The following SLC44A2 variants were observed in gnomAD, a reference collection of about 807,000 sequenced individuals.
SLC44A2 encodes the protein choline transporter-like protein 2.
Under a neutral mutation model 90.8 loss-of-function variants are expected in SLC44A2, and 57 were observed. The ratio of observed to expected loss-of-function variants is 0.63; its 90% confidence interval spans 0.51 to 0.78. The LOEUF is 0.78. Ranked by LOEUF, SLC44A2 falls within the 30% of genes least tolerant of loss-of-function variation. The pLI, the probability that SLC44A2 is intolerant of heterozygous loss-of-function variation, is 0.00. For synonymous variants in SLC44A2, 355 were observed against 360.7 expected (o/e 0.98, Z 0.18); for missense variants, 794 against 919.7 (o/e 0.86, Z 1.77).
intron 1 of SLC44A2, among the ~76,000 whole-genome samples, chr19:10,619,516 G>GA (rs998888282): frequency 9.5e-5 from 14 of 147,068 alleles, no homozygotes; most frequent in African/African-American, 3.5e-4. Flanking sequence ...ATACAAAAAA[G>GA]AAAAAATATT....
chr19:10,643,404 C>A lies in SLC44A2; in HGVS notation c.*19C>A, dbSNP rs926462525. The A allele has an allele frequency of 1.3e-6, 2 of 1,599,140 alleles. No homozygotes were observed. The highest frequency in any genetic ancestry group is 1.3e-5 in the African/African-American group (1 of 74,656). On this transcript the variant is annotated 3_prime_UTR_variant, in exon 22 of 22. Coordinates refer to ENST00000335757, the MANE Select transcript of SLC44A2 (RefSeq NM_020428.4). ...GTCCTGAAGGCCCCGTGCTCCCCACCTCTCAAGGAGTCTCATGCCGCAGGG... is the reference window on the plus strand; with the variant it reads ...GTCCTGAAGGCCCCGTGCTCCCCACATCTCAAGGAGTCTCATGCCGCAGGG...
At chr19:10,627,530 G>A (rs746401771) in intron 2 of SLC44A2, among the ~76,000 whole-genome samples, 192 bp from the exon 3 acceptor site, 1 of 152,142 alleles carries the variant, frequency 6.6e-6, no homozygotes, top group Non-Finnish European at 1.5e-5. Flanking sequence ...GACGGAGTGA[G>A]ACTCTGTTGC....
At chr19:10,630,473 A>G (rs1024499782) in intron 4 of SLC44A2, among the ~76,000 whole-genome samples, 1 of 151,932 alleles carries the variant, frequency 6.6e-6, no homozygotes, top group Non-Finnish European at 1.5e-5. Flanking sequence ...TGTGGCCAAC[A>G]TGGCAAAACC....
chr19:10,637,397 C>G (rs3843750), intron 16 of SLC44A2: 357,511 of 500,278 alleles, frequency 0.71, 129,650 homozygotes, highest in African/African-American at 0.91. Context: ...AGGAAGGGCT[C>G]TGGGGCTGGG....
upstream of SLC44A2, among the ~76,000 whole-genome samples, chr19:10,621,714 G>A (rs1472744451): frequency 6.6e-6 from 1 of 152,056 alleles, no homozygotes; most frequent in Non-Finnish European, 1.5e-5. Flanking sequence ...CGCTTCCCAG[G>A]TTCAAGCGAT....
At chr19:10,626,441 C>T (rs1037821635) in intron 2 of SLC44A2, 140 bp downstream of exon 2, 1 of 686,874 alleles carries the variant, frequency 1.5e-6, no homozygotes, top group East Asian at 2.6e-5. Context: ...TGGAGTCTTG[C>T]TCTGTCACCA....
intron 1 of SLC44A2, among the ~76,000 whole-genome samples, chr19:10,610,040 A>G (rs923740366): frequency 2.0e-5 from 3 of 151,932 alleles, no homozygotes; most frequent in Non-Finnish European, 4.4e-5. Flanking sequence ...TCGTGACCTC[A>G]AATGATTCTC....
At chr19:10,642,020 C>A (rs995990122) in intron 20 of SLC44A2, among the ~76,000 whole-genome samples, 1 of 151,650 alleles carries the variant, frequency 6.6e-6, no homozygotes, top group African/African-American at 2.4e-5. Context: ...ATGAGCCAGG[C>A]GTGGTGGCAC....
intron 10 of SLC44A2, among the ~76,000 whole-genome samples, chr19:10,633,727 G>A (rs1229404504): frequency 6.6e-6 from 1 of 152,222 alleles, no homozygotes; most frequent in Non-Finnish European, 1.5e-5. Flanking sequence ...TAAGTGTTGG[G>A]ATTACAGGCG....
upstream of SLC44A2, among the ~76,000 whole-genome samples, chr19:10,622,958 G>A (rs911717814): frequency 4.6e-5 from 7 of 152,282 alleles, no homozygotes; most frequent in African/African-American, 1.2e-4. Context: ...ACGTGTGTTG[G>A]GGGGAGACAG....
At chr19:10,614,650 G>A (rs927130374) in intron 1 of SLC44A2, among the ~76,000 whole-genome samples, 2 of 152,022 alleles carry the variant, frequency 1.3e-5, no homozygotes, top group Admixed American at 6.6e-5. Flanking sequence ...TATATATATC[G>A]TATTCTTACA....
intron 10 of SLC44A2, among the ~76,000 whole-genome samples, chr19:10,633,452 G>GC (rs2067018935): frequency 6.6e-6 from 1 of 151,108 alleles, no homozygotes; most frequent in Non-Finnish European, 1.5e-5. Context: ...GAGCCACCGC[G>GC]CCCAGCCTTG....
chr19:10,627,775 A>G lies in SLC44A2; in HGVS notation c.140A>G (p.Tyr47Cys), dbSNP rs779992345. The G allele has an allele frequency of 4.3e-6, 7 of 1,613,944 alleles. No individual in the cohort carries two copies. In the African/African-American group the frequency reaches 5.3e-5, roughly 12 times the overall value. The change falls in exon 3 of 22, where the codon TAC (tyrosine) becomes TGC (cysteine). Residue 47 changes from tyrosine to cysteine, a missense_variant. Tyr to Cys is a radical substitution (Grantham distance 194). Around this residue, in one of 3 missense-constraint regions of SLC44A2, gnomAD observed 738 missense variants for 841.1 expected, o/e 0.88. Transcript: ENST00000335757. ...CVFLLLAIVG[Y>C]VAVGIIAWTH... The stretch of plus-strand genomic sequence containing the variant: ...TTCCTGCTCCTGGCCATTGTGGGCT[A>G]CGTGGCTGTAGGCATCATAGGTGAG...
intron 1 of SLC44A2, among the ~76,000 whole-genome samples, chr19:10,619,407 A>G (rs944488780): frequency 1.3e-5 from 2 of 149,338 alleles, no homozygotes; most frequent in Non-Finnish European, 3.0e-5. Flanking sequence ...CAGCCTGGGC[A>G]ATACAGCCAG....
rs1341911979 is a variant in SLC44A2 at position 10,625,624 on chromosome 19, G to T, written c.-10G>T. On this transcript the variant is annotated 5_prime_UTR_variant, in exon 1 of 22. Transcript: ENST00000335757. ...GCGCGGGCGGCCGCCGGGGCTGGTC[G>T]CCTGCAGGGATGGGGGACGAGCGGC... 2 of 1,246,362 alleles carry T rather than the reference G, an allele frequency of 1.6e-6. No individual in the cohort carries two copies. The highest frequency in any genetic ancestry group is 4.2e-5 in the Admixed American group (1 of 23,770). The allele number at this position is 1,246,362 out of a possible 1,614,324, so 77.2% of individuals were successfully genotyped here. A position where few individuals can be genotyped will look rare whatever the true frequency, so the allele number is the denominator to read the frequency against.
At position 10,632,106 on chromosome 19, in the gene SLC44A2, GTAT is replaced by G; in HGVS notation, c.777_779del (p.Ile259del). The G allele has an allele frequency of 6.2e-7, 1 of 1,614,110 alleles. No individual in the cohort carries two copies. The highest frequency in any genetic ancestry group is 8.5e-7 in the Non-Finnish European group (1 of 1,180,016). On this transcript the variant is annotated inframe_deletion, in exon 10 of 22. Coordinates refer to ENST00000335757, the MANE Select transcript of SLC44A2 (RefSeq NM_020428.4). ...ATCATCCTGCTTCGCTTCCTGGCTG[GTAT>G]TATGGTCTGGGTGATGATCATCATG...
intron 20 of SLC44A2, among the ~76,000 whole-genome samples, chr19:10,640,767 G>A (rs539132296): frequency 7.2e-5 from 11 of 152,150 alleles, no homozygotes; most frequent in Admixed American, 4.6e-4. Context: ...CTCAGGAGGG[G>A]TGCCCAGTGC....
chr19:10,615,506 G>A (rs1477519089), intron 1 of SLC44A2, among the ~76,000 whole-genome samples: 4 of 151,602 alleles, frequency 2.6e-5, no homozygotes, highest in Middle Eastern at 3.4e-3. Context: ...CCCGGGAGGC[G>A]GAAGTTGCCG....
chr19:10,638,560 T>C (rs1560708), intron 20 of SLC44A2, among the ~76,000 whole-genome samples: 102,953 of 151,988 alleles, frequency 0.68, 35,054 homozygotes, highest in Admixed American at 0.73. Context: ...TTCTCGAGCT[T>C]TTGCCTCCCG....
Sources: gnomAD v4.1 joint callset for allele counts (sites outside exome capture counted in the v4.1 genomes callset) on GRCh38, gnomAD v4.1.1 for gene constraint, gnomAD v4.1.1 regional missense constraint, MANE v1.5 for transcripts, NCBI Gene and HGNC (gene_info 2026-07-23, HGNC 2026-07-21) for gene names.